The following HNRNPM variants were observed in gnomAD, a reference collection of about 807,000 sequenced individuals.
HNRNPM encodes CEA receptor.
Under a neutral mutation model 73.1 loss-of-function variants are expected in HNRNPM, and 11 were observed. The ratio of observed to expected loss-of-function variants is 0.15; its 90% CI spans 0.09 to 0.25. The LOEUF is 0.25. Among genes scored for constraint, HNRNPM ranks in the 10% least tolerant of loss-of-function variants. HNRNPM has a pLI of 1.00. For synonymous variants in HNRNPM, 407 were observed against 355.2 expected, an observed-to-expected ratio of 1.15 and a Z score of -1.64; for missense variants, 789 against 1,067.9, an observed-to-expected ratio of 0.74 and a Z score of 3.64.
chr19:8,479,396 T>C (rs1970745554), intron 12 of HNRNPM, among the ~76,000 whole-genome samples: 1 of 152,118 alleles, frequency 6.6e-6, no homozygotes, highest in African/African-American at 2.4e-5. Flanking sequence ...GTCCATTTTA[T>C]GTTAGCTGTA....
chr19:8,458,678 G>C (rs953895118), intron 2 of HNRNPM, among the ~76,000 whole-genome samples: 1 of 152,242 alleles, frequency 6.6e-6, no homozygotes, highest in Non-Finnish European at 1.5e-5. Flanking sequence ...AGTTCAACTT[G>C]TGTAAGCAAA....
chr19:8,479,142 A>G lies in HNRNPM; in HGVS notation c.1121-4016A>G, dbSNP rs147293872. 5.0e-3 allele frequency among the ~76,000 whole-genome samples: 644 copies of G among 128,082 alleles called. 7 individuals are homozygous for G. Among genetic ancestry groups the G allele is most frequent in the African/African-American group, 0.017 (585 of 33,710 alleles). The allele number at this position is 128,082 out of a possible 152,430, so 84.0% of individuals were successfully genotyped here. On this transcript the variant is annotated intron_variant, in intron 12 of 15. Transcript: ENST00000325495. Reference sequence around the variant, plus strand: ...GCTTTGTTGCCCAGGCTGGAGTGCAATGGTGCGATCTCAGCTCACTGCGGC... The same window carrying G: ...GCTTTGTTGCCCAGGCTGGAGTGCAGTGGTGCGATCTCAGCTCACTGCGGC...
intron 13 of HNRNPM, among the ~76,000 whole-genome samples, chr19:8,485,114 T>C (rs1468848410): frequency 6.6e-6 from 1 of 151,400 alleles, no homozygotes; most frequent in Non-Finnish European, 1.5e-5. Context: ...GCAGCCAGAG[T>C]GGCCCCCAGC....
intron 6 of HNRNPM, 26 bp downstream of exon 6, chr19:8,465,541 AG>A: frequency 6.7e-7 from 1 of 1,484,150 alleles, no homozygotes; most frequent in African/African-American, 1.4e-5. Flanking sequence ...CATCGTCTAA[AG>A]TAGAAAATCA....
intron 11 of HNRNPM, 75 bp downstream of exon 11, chr19:8,473,783 G>A: frequency 1.1e-6 from 1 of 933,908 alleles, no homozygotes; most frequent in Non-Finnish European, 1.7e-6. Context: ...TTTCTTTCTT[G>A]TTTAAACCCT....
At chr19:8,458,279 AC>A (rs1969161853) in intron 2 of HNRNPM, among the ~76,000 whole-genome samples, 1 of 152,218 alleles carries the variant, frequency 6.6e-6, no homozygotes, top group African/African-American at 2.4e-5. Context: ...TAGGAAGTAA[AC>A]TGGTCATTTA....
chr19:8,468,286 T>C (rs148757607), intron 8 of HNRNPM, among the ~76,000 whole-genome samples: 84 of 152,290 alleles, frequency 5.5e-4, no homozygotes, highest in African/African-American at 1.9e-3. Context: ...CTTTTAAAGG[T>C]CTGTTGGAGC....
At chr19:8,453,306 A>G (rs1968760130) in intron 1 of HNRNPM, among the ~76,000 whole-genome samples, 1 of 151,904 alleles carries the variant, frequency 6.6e-6, no homozygotes, top group South Asian at 2.1e-4. Flanking sequence ...ACGCCCAGCT[A>G]ATTTTTGTAT....
At chr19:8,479,100 T>TC (rs1277699545) in intron 12 of HNRNPM, among the ~76,000 whole-genome samples, 1 of 143,188 alleles carries the variant, frequency 7.0e-6, no homozygotes, top group African/African-American at 2.7e-5. Flanking sequence ...TTTTTTTTTT[T>TC]TTCAAGACAG....
intron 3 of HNRNPM, among the ~76,000 whole-genome samples, chr19:8,463,276 C>A (rs1211462624): frequency 6.6e-6 from 1 of 152,078 alleles, no homozygotes; most frequent in Non-Finnish European, 1.5e-5. Context: ...ATGCTGGTAA[C>A]GCGTAGGAGA....
intron 1 of HNRNPM, among the ~76,000 whole-genome samples, chr19:8,450,513 G>A (rs993612631): frequency 6.6e-6 from 1 of 151,766 alleles, no homozygotes; most frequent in Non-Finnish European, 1.5e-5. Flanking sequence ...GGGCTCAAGC[G>A]ATCCTTCCAC....
chr19:8,467,393 G>T, intron 7 of HNRNPM, 142 bp from the exon 8 acceptor site: 1 of 637,858 alleles, frequency 1.6e-6, no homozygotes, highest in South Asian at 1.9e-5. Flanking sequence ...GTTTATTGTT[G>T]AAAGTATAAT....
At chr19:8,448,842 A>G (rs1373812526) in intron 1 of HNRNPM, among the ~76,000 whole-genome samples, 1 of 152,250 alleles carries the variant, frequency 6.6e-6, no homozygotes, top group African/African-American at 2.4e-5. Flanking sequence ...TTATAAAAAT[A>G]AAAATATATA....
At chr19:8,476,566 TAAAA>T (rs746842195) in intron 12 of HNRNPM, among the ~76,000 whole-genome samples, 11 of 38,998 alleles carry the variant, frequency 2.8e-4, no homozygotes, top group Non-Finnish European at 1.2e-3. Context: ...AGATTAATGT[TAAAA>T]AAAAAAAAAG....
intron 12 of HNRNPM, among the ~76,000 whole-genome samples, chr19:8,481,841 C>T (rs1354666170): frequency 6.6e-6 from 1 of 152,114 alleles, no homozygotes; most frequent in Non-Finnish European, 1.5e-5. Context: ...ATGAGCTGTA[C>T]CTGCTGGTAG....
At chr19:8,463,960 G>A in intron 5 of HNRNPM, 1 of 366,996 alleles carries the variant, frequency 2.7e-6, no homozygotes, top group East Asian at 4.9e-5. Context: ...CAAACCATGA[G>A]CCCGTGGGTT....
At chr19:8,456,198 A>G (rs1217392205) in intron 2 of HNRNPM, among the ~76,000 whole-genome samples, 1 of 152,190 alleles carries the variant, frequency 6.6e-6, no homozygotes, top group Non-Finnish European at 1.5e-5. Flanking sequence ...GGATTGTCAT[A>G]GCCTAGGTGT....
Position 8,474,162 on chromosome 19 carries a change from T to G in HNRNPM, c.1043-5T>G, listed in dbSNP as rs905170440. On this transcript the variant is annotated splice_polypyrimidine_tract_variant and splice_region_variant and intron_variant, in intron 11 of 15. Coordinates refer to ENST00000325495, the MANE Select transcript of HNRNPM (RefSeq NM_005968.5). ...ATGATGCTGAAATGTGAACCTCTCT[T>G]GCAGGAATGGAGGGGCCCTTTGGTG... 9 of 1,584,930 alleles carry G rather than the reference T, an allele frequency of 5.7e-6. No homozygotes were observed. The highest frequency in any genetic ancestry group is 6.0e-6 in the Non-Finnish European group (7 of 1,167,608).
At chr19:8,447,841 A>G (rs1281012135) in intron 1 of HNRNPM, among the ~76,000 whole-genome samples, 1 of 152,206 alleles carries the variant, frequency 6.6e-6, no homozygotes, top group African/African-American at 2.4e-5. Flanking sequence ...CCTGGCTAAC[A>G]CGGTGAAACC....
Sources: allele counts gnomAD v4.1 joint callset (sites outside exome capture counted in the v4.1 genomes callset), GRCh38; gene constraint gnomAD v4.1.1; transcripts MANE v1.5; gene names NCBI Gene and HGNC (gene_info 2026-07-23, HGNC 2026-07-21).